The following ZNF236 variants were observed in gnomAD, a reference collection of about 807,000 sequenced individuals.
ZNF236 encodes zinc finger protein 236, also known as regulated by glucose.
In ZNF236, 50 loss-of-function variants were observed where a neutral mutation model predicts 191.2. That is an observed-to-expected ratio of 0.26 (90% CI 0.21 to 0.33). ZNF236 has a LOEUF of 0.33. Among genes scored for constraint, ZNF236 ranks in the 10% least tolerant of loss-of-function variants. ZNF236 has a pLI of 1.00. For missense variants in ZNF236, 1,754 were observed against 2,374.5 expected, an observed-to-expected ratio of 0.74 and a Z score of 5.43; for synonymous variants, 907 against 928.8, an observed-to-expected ratio of 0.98 and a Z score of 0.43.
Position 76,925,666 on chromosome 18 carries a change from C to T in ZNF236, c.4027+112C>T, listed in dbSNP as rs1967657841. 7.2e-7 allele frequency: 1 copy of T among 1,395,018 alleles called. No homozygotes were observed. The allele number at this position is 1,395,018 out of a possible 1,614,324, so 86.4% of individuals were successfully genotyped here. Reference sequence around the variant, plus strand: ...TTGTTTACCGTAGCACCACGTTTCCCTTCTTTGAGCCTTTTCCTTATAAGG... The same window carrying T: ...TTGTTTACCGTAGCACCACGTTTCCTTTCTTTGAGCCTTTTCCTTATAAGG... On this transcript the variant is annotated intron_variant, in intron 22 of 30. Coordinates refer to ENST00000320610, the MANE Select transcript of ZNF236 (RefSeq NM_001306089.2). The surrounding 1 kb of genome is among the most constrained non-coding windows in gnomAD (Gnocchi z 5.7).
At chr18:76,868,988 T>G in intron 4 of ZNF236, 125 bp downstream of exon 4, 1 of 904,730 alleles carries the variant, frequency 1.1e-6, no homozygotes, top group Non-Finnish European at 1.6e-6. Flanking sequence ...CACAGATAAT[T>G]TGGTGTCAGA....
intron 8 of ZNF236, 45 bp from the exon 9 acceptor site, chr18:76,881,239 T>C: frequency 1.3e-6 from 2 of 1,547,640 alleles, no homozygotes; most frequent in Non-Finnish European, 1.8e-6. Flanking sequence ...TAGGCAGAGT[T>C]GGGCCATCGT....
chr18:76,968,946 A>T lies in ZNF236; in HGVS notation c.*607A>T, dbSNP rs1186325164. The stretch of plus-strand genomic sequence containing the variant: ...TTCTCTCCATGACAAATGTTTAATC[A>T]TTAGTTACAAGAATGCAGTATCTGG... On this transcript the variant is annotated 3_prime_UTR_variant, in exon 31 of 31. Transcript: ENST00000320610. The T allele has an allele frequency of 1.0e-6, 1 of 985,792 alleles. No individual in the cohort carries two copies. Among genetic ancestry groups the T allele is most frequent in the Admixed American group, 6.2e-5 (1 of 16,256 alleles). 61.1% of individuals were successfully genotyped at this position (985,792 alleles called of 1,614,324 possible).
chr18:76,895,312 G>A (rs1432889208), intron 10 of ZNF236, 27 bp downstream of exon 10: 3 of 1,593,628 alleles, frequency 1.9e-6, no homozygotes, highest in East Asian at 4.5e-5. Flanking sequence ...GGGCCCACAC[G>A]GGCACTGGCC....
chr18:76,895,410 C>T, intron 10 of ZNF236, 125 bp downstream of exon 10: 4 of 1,318,104 alleles, frequency 3.0e-6, no homozygotes, highest in Non-Finnish European at 4.2e-6. Context: ...AAGTACTGCT[C>T]ACAGGGACTG....
chr18:76,829,276 T>C (rs901007191), intron 1 of ZNF236, among the ~76,000 whole-genome samples: 7 of 152,012 alleles, frequency 4.6e-5, no homozygotes, highest in African/African-American at 1.7e-4. Flanking sequence ...TGGCAAGGCC[T>C]GGAGCGTGGC....
At position 76,960,274 on chromosome 18, in the gene ZNF236, G is replaced by C. The variant is rs1363068905; in HGVS notation, c.5243-405G>C. ...TTGTCTTAGAGAAAAAAAACACACG[G>C]AACAAAGAAACAAGCTCTTCCATCT... On this transcript the variant is annotated intron_variant, in intron 29 of 30. Transcript: ENST00000320610. This position sits in a 1 kb window ranked among gnomAD's most constrained non-coding sequence, Gnocchi z 4.4. Among the ~76,000 whole-genome samples the C allele has an allele frequency of 6.6e-6, 1 of 152,164 alleles. No homozygotes were observed. Among genetic ancestry groups the C allele is most frequent in the Non-Finnish European group, 1.5e-5 (1 of 68,020 alleles).
chr18:76,941,830 T>C (rs1968141464), intron 26 of ZNF236, among the ~76,000 whole-genome samples: 1 of 152,240 alleles, frequency 6.6e-6, no homozygotes. Flanking sequence ...AAATATCCAA[T>C]AGAAATTGTG....
In ZNF236 at chr18:76,880,474, G is replaced by A. The variant is rs1303401026; in HGVS notation, c.1188+158G>A. Among the ~76,000 whole-genome samples the A allele has an allele frequency of 1.3e-5, 2 of 152,062 alleles. No individual in the cohort carries two copies. The highest frequency in any genetic ancestry group is 1.3e-4 in the Admixed American group (2 of 15,290). On this transcript the variant is annotated intron_variant, in intron 8 of 30. Transcript: ENST00000320610. The surrounding 1 kb of genome is among the most constrained non-coding windows in gnomAD (Gnocchi z 5.0). ...AAGAAATTAATATGCCTACTTAATTGCTTATGGACGGCGCAACATTCAAAT... is the reference window on the plus strand; with the variant it reads ...AAGAAATTAATATGCCTACTTAATTACTTATGGACGGCGCAACATTCAAAT...
intron 1 of ZNF236, among the ~76,000 whole-genome samples, chr18:76,844,239 CAAAA>C (rs35737023): frequency 3.5e-5 from 3 of 86,512 alleles, no homozygotes; most frequent in Non-Finnish European, 4.8e-5. Context: ...GACTCCATCT[CAAAA>C]AAAAAAAAAA....
chr18:76,849,932 T>C lies in ZNF236; in HGVS notation c.198+264T>C, dbSNP rs541839991. 5.3e-5 allele frequency among the ~76,000 whole-genome samples: 8 copies of C among 152,356 alleles called. No homozygotes were observed. In the East Asian group the frequency reaches 1.5e-3, roughly 29 times the overall value. ...TGGACAAATAATTGTTTAAAAAATA[T>C]GACTTTTTAAAAGTAGTTTCAATTT... On this transcript the variant is annotated intron_variant, in intron 2 of 30. Coordinates refer to ENST00000320610, the MANE Select transcript of ZNF236 (RefSeq NM_001306089.2).
At chr18:76,854,236 C>T (rs953506285) in intron 3 of ZNF236, among the ~76,000 whole-genome samples, 3 of 152,042 alleles carry the variant, frequency 2.0e-5, no homozygotes, top group Non-Finnish European at 4.4e-5. Flanking sequence ...AGAAAACATA[C>T]TATGTGGAGA....
chr18:76,860,439 G>A lies in ZNF236; in HGVS notation c.364-8246G>A, dbSNP rs184757800. 7.1e-4 allele frequency among the ~76,000 whole-genome samples: 108 copies of A among 152,228 alleles called. 1 individual carries two copies. In the South Asian group the frequency reaches 0.018, roughly 26 times the overall value. Reference sequence around the variant, plus strand: ...GAGAAACAACTGTTAGCTGTCATTCGCAGATGTTCTAAAGTATTTATACCT... The same window carrying A: ...GAGAAACAACTGTTAGCTGTCATTCACAGATGTTCTAAAGTATTTATACCT... On this transcript the variant is annotated intron_variant, in intron 3 of 30. Transcript: ENST00000320610.
In ZNF236 at chr18:76,871,609, G is replaced by A. The variant is rs919947028; in HGVS notation, c.543-92G>A. 18 of 1,534,050 alleles carry A rather than the reference G, an allele frequency of 1.2e-5. No homozygotes were observed. In the African/African-American group the frequency reaches 2.0e-4, roughly 17 times the overall value. On this transcript the variant is annotated intron_variant, in intron 4 of 30. Coordinates refer to ENST00000320610, the MANE Select transcript of ZNF236 (RefSeq NM_001306089.2). ...TCATTAAAACAGGTTCTGATGACTA[G>A]TCAGCCAAATTTTCTGGTAGGATTT... is the stretch of plus-strand genomic sequence containing the variant.
chr18:76,900,024 A>G (rs762153734), intron 11 of ZNF236, among the ~76,000 whole-genome samples: 1 of 152,212 alleles, frequency 6.6e-6, no homozygotes, highest in Non-Finnish European at 1.5e-5. Context: ...GAGGACCACA[A>G]ACATTTAGAC....
intron 12 of ZNF236, 25 bp downstream of exon 12, chr18:76,904,546 A>G (rs1262331393): frequency 1.3e-6 from 2 of 1,556,342 alleles, no homozygotes; most frequent in Admixed American, 3.8e-5. Context: ...TCACAGATGG[A>G]AATTTAGTAT....
Position 76,875,673 on chromosome 18 carries a change from G to T in ZNF236, c.840+9G>T. 1.3e-6 allele frequency: 2 copies of T among 1,546,348 alleles called. No individual in the cohort carries two copies. The highest frequency in any genetic ancestry group is 1.2e-5 in the South Asian group (1 of 81,812). On this transcript the variant is annotated intron_variant, in intron 6 of 30. Transcript: ENST00000320610. The surrounding 1 kb of genome is among the most constrained non-coding windows in gnomAD (Gnocchi z 4.3). ...AGCGAGTCCACTCAGAGGTAAACAC[G>T]GGTTGGGGGCATAAGCGGTATTTCA...
rs191644227 is a variant in ZNF236, at chr18:76,898,398, T to C, written c.1691-621T>C. ...TCCTCCTCTGGGCTGACAATGTGGA[T>C]GAGTATTTGACAAAGCTGAAGTTAC... On this transcript the variant is annotated intron_variant, in intron 10 of 30. Coordinates refer to ENST00000320610, the MANE Select transcript of ZNF236 (RefSeq NM_001306089.2). Among the ~76,000 whole-genome samples the C allele has an allele frequency of 3.2e-4, 48 of 152,368 alleles. No individual in the cohort carries two copies. The Middle Eastern group carries it at 0.017, about 54-fold the overall frequency.
At chr18:76,867,376 A>G (rs529844977) in intron 3 of ZNF236, among the ~76,000 whole-genome samples, 1 of 152,180 alleles carries the variant, frequency 6.6e-6, no homozygotes, top group East Asian at 1.9e-4. Context: ...CTTTAAAGTT[A>G]TTTAAATGAT....
Sources: gnomAD v4.1 joint callset for allele counts (sites outside exome capture counted in the v4.1 genomes callset) on GRCh38, gnomAD v4.1.1 for gene constraint, Gnocchi (gnomAD v3.1) non-coding constraint, MANE v1.5 for transcripts, NCBI Gene and HGNC (gene_info 2026-07-23, HGNC 2026-07-21) for gene names.